The following PPAN variants were observed in gnomAD, a reference collection of about 807,000 sequenced individuals.
The protein encoded by PPAN is suppressor of SWI4 1 homolog.
A neutral mutation model predicts 48.5 loss-of-function variants in PPAN; 39 were observed. The observed-to-expected ratio is 0.80, with a 90% CI of 0.62 to 1.05. The LOEUF (loss-of-function observed/expected upper bound fraction) is 1.05, where lower values mean the gene tolerates loss of function less well. PPAN is among the 50% of genes least tolerant of loss of function. The pLI is 0.00. For missense variants in PPAN, 736 were observed against 661.7 expected (o/e 1.11, Z -1.23); for synonymous variants, 315 against 268.6 (o/e 1.17, Z -1.69).
chr19:10,111,311 C>T lies in PPAN; in HGVS notation c.*146C>T, dbSNP rs1321064456. ...TGAATTGGCCAGGGGTCCACGTCAG[C>T]GTTTGGGATGGGGGATTCTGGAGCC... is the stretch of plus-strand genomic sequence containing the variant. On this transcript the variant is annotated 3_prime_UTR_variant, in exon 12 of 12. Transcript: ENST00000253107. The T allele has an allele frequency of 5.9e-6, 6 of 1,014,318 alleles. No individual in the cohort carries two copies. The highest frequency in any genetic ancestry group is 7.0e-6 in the Non-Finnish European group (5 of 716,678). The allele number at this position is 1,014,318 out of a possible 1,614,324, so 62.8% of individuals were successfully genotyped here.
At position 10,110,175 on chromosome 19, in the gene PPAN, A is replaced by T; in HGVS notation, c.751A>T (p.Thr251Ser). 6.2e-7 allele frequency: 1 copy of T among 1,610,534 alleles called. No individual in the cohort carries two copies. ...EAEPDGDHNI[T>S]ELPQAVAGRG... ...AGAGCCTGACGGCGACCACAACATC[A>T]CAGAGCTGCCTCAGGCTGTCGCTGG... is the stretch of plus-strand genomic sequence containing the variant. Residue 251 changes from threonine (T) to serine (S), a missense_variant, in exon 8 of 12, where the codon ACA (threonine) becomes TCA (serine). Transcript: ENST00000253107. This position sits in a 1 kb window ranked among gnomAD's most constrained non-coding sequence, Gnocchi z 5.9.
intron 2 of PPAN, chr19:10,106,951 C>T: frequency 3.2e-6 from 2 of 634,204 alleles, no homozygotes; most frequent in Admixed American, 2.4e-5. Flanking sequence ...TTTGGGGATG[C>T]TGATGCGGGA....
chr19:10,109,585 C>A, intron 5 of PPAN, 46 bp from the exon 6 acceptor site: 1 of 1,568,854 alleles, frequency 6.4e-7, no homozygotes, highest in Non-Finnish European at 8.7e-7. Flanking sequence ...CTTCCCCAAA[C>A]TTTGCCATGA....
rs1390624980 is a variant in PPAN, at chr19:10,111,907, C to G, written c.*742C>G. ...GGGGTGGAACACGAGGTCAGGGGTT[C>G]GAGACCACCCTGACCAACAAGGAGA... is the stretch of plus-strand genomic sequence containing the variant. On this transcript the variant is annotated 3_prime_UTR_variant, in exon 12 of 12. Coordinates refer to ENST00000253107, the MANE Select transcript of PPAN (RefSeq NM_020230.7). 6.6e-6 allele frequency among the ~76,000 whole-genome samples: 1 copy of G among 151,798 alleles called. No homozygotes were observed. The highest frequency in any genetic ancestry group is 1.5e-5 in the Non-Finnish European group (1 of 67,962).
rs2089047485 is a variant in PPAN at position 10,111,059 on chromosome 19, C to T, written c.1316C>T (p.Thr439Ile). The change falls in exon 12 of 12, where the codon ACC (threonine) becomes ATC (isoleucine). Residue 439 changes from threonine (T) to isoleucine (I), a missense_variant. Transcript: ENST00000253107. The part of the protein sequence containing the change: ...GRLCDQKFPK[T>I]KDKSQGAQAR... ...CTTTGTGACCAGAAGTTTCCCAAGA[C>T]CAAGGACAAGTCCCAGGGAGCCCAG... 6.2e-7 allele frequency: 1 copy of T among 1,613,466 alleles called. No homozygotes were observed. Among genetic ancestry groups the T allele is most frequent in the South Asian group, 1.1e-5 (1 of 91,080 alleles).
Position 10,111,034 on chromosome 19 carries a change from C to T in PPAN, c.1291C>T (p.Leu431Phe), listed in dbSNP as rs1480627763. ...GGAAATGGATCGAGGCAGGGGTCGC[C>T]TTTGTGACCAGAAGTTTCCCAAGAC... ...RWEMDRGRGRLCDQKFPKTKD... is the reference protein window; with the variant it reads ...RWEMDRGRGRFCDQKFPKTKD... The change falls in exon 12 of 12, where the codon CTT (leucine) becomes TTT (phenylalanine). Residue 431 changes from leucine (L) to phenylalanine (F), a missense_variant. Physicochemically the swap from Leu to Phe is conservative, Grantham distance 22. Transcript: ENST00000253107. 6.2e-6 allele frequency: 10 copies of T among 1,613,606 alleles called. No individual in the cohort carries two copies. Among genetic ancestry groups the T allele is most frequent in the African/African-American group, 5.3e-5 (4 of 74,876 alleles).
upstream of PPAN, chr19:10,106,304 T>C (rs1472006558): frequency 1.2e-5 from 18 of 1,539,368 alleles, no homozygotes; most frequent in South Asian, 2.4e-5. Flanking sequence ...CCTGATGTCG[T>C]CCCACGCCGT....
Position 10,111,413 on chromosome 19 carries a change from G to T in PPAN, c.*248G>T. ...CACCTGGTTTCTTCCTGGAAGCTGG[G>T]TCTCTCCCCTACCCTGCACGGGGTT... On this transcript the variant is annotated 3_prime_UTR_variant, in exon 12 of 12. Transcript: ENST00000253107. The T allele has an allele frequency of 1.6e-6, 1 of 636,654 alleles. No individual in the cohort carries two copies. Among genetic ancestry groups the T allele is most frequent in the Non-Finnish European group, 2.7e-6 (1 of 371,730 alleles). The allele number at this position is 636,654 out of a possible 1,614,324, so 39.4% of individuals were successfully genotyped here.
rs966398268 is a variant in PPAN, at chr19:10,106,468, G to T, written c.19-33G>T. ...CGCAGGTGGGGTCCCGGCCGAGGTC[G>T]CGGCGCTGACCCTTTGTCTCTCGTC... On this transcript the variant is annotated intron_variant, in intron 1 of 11. Coordinates refer to ENST00000253107, the MANE Select transcript of PPAN (RefSeq NM_020230.7). 1.9e-6 allele frequency: 3 copies of T among 1,547,556 alleles called. No individual in the cohort carries two copies. The African/African-American group carries it at 4.1e-5, about 21-fold the overall frequency.
intron 5 of PPAN, among the ~76,000 whole-genome samples, chr19:10,109,267 T>C (rs1403037505): frequency 1.3e-5 from 2 of 151,122 alleles, no homozygotes; most frequent in Admixed American, 6.6e-5. Flanking sequence ...CCTTCTTTAC[T>C]TTTTTTTTAA....
Position 10,111,267 on chromosome 19 carries a change from TTCCAC to T in PPAN, c.*107_*111del. The T allele has an allele frequency of 7.7e-7, 1 of 1,291,596 alleles. No homozygotes were observed. The highest frequency in any genetic ancestry group is 1.0e-6 in the Non-Finnish European group (1 of 966,604). 80.0% of individuals were successfully genotyped at this position (1,291,596 alleles called of 1,614,324 possible). Reference sequence around the variant, plus strand: ...CATAAAGGAGTTGTGTCCCCAGCCCTTCCACTCCAGTAAAGAACTGAATTGGCCAG... The same window carrying T: ...CATAAAGGAGTTGTGTCCCCAGCCCTTCCAGTAAAGAACTGAATTGGCCAG... On this transcript the variant is annotated 3_prime_UTR_variant, in exon 12 of 12. Coordinates refer to ENST00000253107, the MANE Select transcript of PPAN (RefSeq NM_020230.7).
chr19:10,109,811 A>C, intron 6 of PPAN, 102 bp from the exon 7 acceptor site: 1 of 1,592,410 alleles, frequency 6.3e-7, no homozygotes, highest in Non-Finnish European at 8.6e-7. Context: ...GCTCTGTCCA[A>C]AGTAAACGCC....
rs909077048 is a variant in PPAN at position 10,110,373 on chromosome 19, G to A, written c.872G>A (p.Gly291Glu). 6.2e-7 allele frequency: 1 copy of A among 1,613,668 alleles called. No homozygotes were observed. Among genetic ancestry groups the A allele is most frequent in the Non-Finnish European group, 8.5e-7 (1 of 1,179,972 alleles). ...CTCATCAAGGTCCAGGAGGGCGTCGGGGAGGGCAAAGTGATGTTCCACAGT... is the reference window on the plus strand; with the variant it reads ...CTCATCAAGGTCCAGGAGGGCGTCGAGGAGGGCAAAGTGATGTTCCACAGT... ...LQLIKVQEGV[G>E]EGKVMFHSFV... The change falls in exon 9 of 12, where the codon GGG becomes GAG. Residue 291 changes from glycine to glutamate, a missense_variant. Gly to Glu is a moderately conservative substitution (Grantham distance 98). Transcript: ENST00000253107. This position sits in a 1 kb window ranked among gnomAD's most constrained non-coding sequence, Gnocchi z 5.9.
rs2089073347 is a variant in PPAN at position 10,111,484 on chromosome 19, G to A, written c.*319G>A. ...CAGCCATGAGTGGCCCCTCCCCCCA[G>A]TCCCACCAAAGAGCCGTGCAAGCAG... On this transcript the variant is annotated 3_prime_UTR_variant, in exon 12 of 12. Coordinates refer to ENST00000253107, the MANE Select transcript of PPAN (RefSeq NM_020230.7). 4 of 627,830 alleles carry A rather than the reference G, an allele frequency of 6.4e-6. No homozygotes were observed. The highest frequency in any genetic ancestry group is 1.1e-5 in the Non-Finnish European group (4 of 358,274). The allele number at this position is 627,830 out of a possible 1,614,324, so 38.9% of individuals were successfully genotyped here.
At chr19:10,108,862 C>G (rs2088938708) in intron 5 of PPAN, among the ~76,000 whole-genome samples, 1 of 151,866 alleles carries the variant, frequency 6.6e-6, no homozygotes, top group African/African-American at 2.4e-5. Context: ...AGCTCCTAAT[C>G]CTTGTCACTA....
chr19:10,110,430 G>GC lies in PPAN; in HGVS notation c.901+28_901+29insC. 1 of 1,612,906 alleles carries GC rather than the reference G, an allele frequency of 6.2e-7. No homozygotes were observed. The highest frequency in any genetic ancestry group is 1.3e-5 in the African/African-American group (1 of 74,984). Reference sequence around the variant, plus strand: ...GAGGCCGGGGCCGCCGGGGGTGGGGGGTCATGGGTGTGGAGCTGCACCCGG... The same window carrying GC: ...GAGGCCGGGGCCGCCGGGGGTGGGGGCGTCATGGGTGTGGAGCTGCACCCGG... On this transcript the variant is annotated intron_variant, in intron 9 of 11. Transcript: ENST00000253107. The surrounding 1 kb of genome is among the most constrained non-coding windows in gnomAD (Gnocchi z 5.9).
chr19:10,107,633 TC>T, intron 3 of PPAN, 27 bp downstream of exon 3: 1 of 1,611,750 alleles, frequency 6.2e-7, no homozygotes. Context: ...ACCCTTCATC[TC>T]CCCCAGACCC....
Position 10,111,247 on chromosome 19 carries a change from A to G in PPAN, c.*82A>G. 1.4e-6 allele frequency: 2 copies of G among 1,389,470 alleles called. No individual in the cohort carries two copies. The highest frequency in any genetic ancestry group is 1.9e-6 in the Non-Finnish European group (2 of 1,051,574). The allele number at this position is 1,389,470 out of a possible 1,614,324, so 86.1% of individuals were successfully genotyped here. On this transcript the variant is annotated 3_prime_UTR_variant, in exon 12 of 12. Coordinates refer to ENST00000253107, the MANE Select transcript of PPAN (RefSeq NM_020230.7). ...TGTGGCCCTCGGTTTCCTTTCATAAAGGAGTTGTGTCCCCAGCCCTTCCAC... is the reference window on the plus strand; with the variant it reads ...TGTGGCCCTCGGTTTCCTTTCATAAGGGAGTTGTGTCCCCAGCCCTTCCAC...
In PPAN at chr19:10,111,699, A is replaced by G. The variant is rs1443439380; in HGVS notation, c.*534A>G. 1 of 1,613,528 alleles carries G rather than the reference A, an allele frequency of 6.2e-7. No individual in the cohort carries two copies. The highest frequency in any genetic ancestry group is 2.2e-5 in the East Asian group (1 of 44,896). On this transcript the variant is annotated 3_prime_UTR_variant, in exon 12 of 12. Coordinates refer to ENST00000253107, the MANE Select transcript of PPAN (RefSeq NM_020230.7). ...GGCTGGGGAACTGGGTAGCAGACACAGGCTGAGGATCGGCACGGGAGCATG... is the reference window on the plus strand; with the variant it reads ...GGCTGGGGAACTGGGTAGCAGACACGGGCTGAGGATCGGCACGGGAGCATG...
Sources: allele counts gnomAD v4.1 joint callset (sites outside exome capture counted in the v4.1 genomes callset), GRCh38; gene constraint gnomAD v4.1.1; non-coding constraint Gnocchi (gnomAD v3.1); transcripts MANE v1.5; gene names NCBI Gene and HGNC (gene_info 2026-07-23, HGNC 2026-07-21).